Variants in CNTNAP5 observed in about 807,000 individuals in gnomAD.
CNTNAP5 encodes the protein contactin associated protein family member 5.
Under a neutral mutation model 150.2 loss-of-function variants are expected in CNTNAP5, and 72 were observed. The observed-to-expected ratio is 0.48, with a 90% CI of 0.40 to 0.58. The LOEUF is 0.58. Ranked by LOEUF, CNTNAP5 falls within the 20% of genes least tolerant of loss-of-function variation. CNTNAP5 has a pLI of 0.00. For missense variants in CNTNAP5, 1,636 were observed against 1,626.2 expected, an observed-to-expected ratio of 1.01 and a Z score of -0.10; for synonymous variants, 672 against 619.8, an observed-to-expected ratio of 1.08 and a Z score of -1.25.
In CNTNAP5 at chr2:124,687,362, G is replaced by A. The variant is rs77606317; in HGVS notation, c.2077+39404G>A. On this transcript the variant is annotated intron_variant, in intron 13 of 23. Transcript: ENST00000682447. ...ACCCAATTTATCTAGATGACTGTGG[G>A]TGGTGTTAACAGCTAGGCCTTCCTG... is the stretch of plus-strand genomic sequence containing the variant. 3.6e-3 allele frequency among the ~76,000 whole-genome samples: 554 copies of A among 152,038 alleles called. 4 individuals carry two copies. The highest frequency in any genetic ancestry group is 0.017 in the Middle Eastern group (5 of 294).
intron 22 of CNTNAP5, among the ~76,000 whole-genome samples, chr2:124,905,134 T>TC (rs1293552799): frequency 6.8e-6 from 1 of 147,850 alleles, no homozygotes; most frequent in Non-Finnish European, 1.5e-5. Flanking sequence ...TTGTTTTTTT[T>TC]TTTTTCCACA....
chr2:124,342,229 C>A (rs1168300799), intron 3 of CNTNAP5, among the ~76,000 whole-genome samples: 1 of 152,078 alleles, frequency 6.6e-6, no homozygotes, highest in Non-Finnish European at 1.5e-5. Flanking sequence ...GTTGCTGAAA[C>A]TTTGTATGAA....
chr2:124,227,462 C>T (rs1224219001), intron 2 of CNTNAP5, among the ~76,000 whole-genome samples: 1 of 151,914 alleles, frequency 6.6e-6, no homozygotes, highest in Non-Finnish European at 1.5e-5. Flanking sequence ...AACATGTGTT[C>T]GGAAAAAGAG....
At chr2:124,370,219 C>T (rs779984) in intron 3 of CNTNAP5, among the ~76,000 whole-genome samples, 21,028 of 152,164 alleles carry the variant, frequency 0.14, 1,594 homozygotes, top group African/African-American at 0.16. Flanking sequence ...CGTACGTGAA[C>T]ACTGTTTTGC....
At chr2:124,053,048 C>T (rs1171255502) in intron 1 of CNTNAP5, among the ~76,000 whole-genome samples, 1 of 149,908 alleles carries the variant, frequency 6.7e-6, no homozygotes, top group African/African-American at 2.5e-5. Context: ...CTCTGCGTAC[C>T]TTGATCACTG....
chr2:124,894,710 C>T (rs977296218), intron 21 of CNTNAP5, among the ~76,000 whole-genome samples: 3 of 151,092 alleles, frequency 2.0e-5, no homozygotes, highest in Non-Finnish European at 1.5e-5. Flanking sequence ...CACACCACCA[C>T]ACCTGCCTAA....
chr2:124,359,123 T>G (rs910042623), intron 3 of CNTNAP5, among the ~76,000 whole-genome samples: 2 of 152,178 alleles, frequency 1.3e-5, no homozygotes, highest in Non-Finnish European at 2.9e-5. Context: ...TGATGGTAGT[T>G]TGCATTTCTG....
intron 3 of CNTNAP5, among the ~76,000 whole-genome samples, chr2:124,306,719 CTTTTTTTTT>C (rs762901729): frequency 7.8e-5 from 5 of 64,336 alleles, no homozygotes; most frequent in East Asian, 5.6e-4. Flanking sequence ...CTCTCTCTTT[CTTTTTTTTT>C]TTTTTTTTTT....
At chr2:124,384,032 AT>A (rs1320611459) in intron 3 of CNTNAP5, among the ~76,000 whole-genome samples, 1 of 152,122 alleles carries the variant, frequency 6.6e-6, no homozygotes. Flanking sequence ...TTATTGCCCC[AT>A]TAATCCGTGG....
At chr2:124,057,448 ATTTTTTTT>A (rs556571236) in intron 1 of CNTNAP5, among the ~76,000 whole-genome samples, 2 of 62,826 alleles carry the variant, frequency 3.2e-5, no homozygotes, top group African/African-American at 7.8e-5. Context: ...CGGCCAGCTA[ATTTTTTTT>A]TTTTTTTTTT....
chr2:124,035,005 TCCCCTC>T (rs1681172248), intron 1 of CNTNAP5, among the ~76,000 whole-genome samples: 4 of 46,336 alleles, frequency 8.6e-5, no homozygotes, highest in African/African-American at 3.0e-4. Context: ...TCCCCTCCCC[TCCCCTC>T]CCCTCCCTCC....
At chr2:124,149,795 C>T (rs1434885612) in intron 1 of CNTNAP5, among the ~76,000 whole-genome samples, 1 of 152,172 alleles carries the variant, frequency 6.6e-6, no homozygotes, top group Non-Finnish European at 1.5e-5. Flanking sequence ...CACTGAACAG[C>T]TCGCAGCTGG....
rs1057339916 is a variant in CNTNAP5 at position 124,588,192 on chromosome 2, C to A, written c.1757-21609C>A. On this transcript the variant is annotated intron_variant, in intron 11 of 23. Transcript: ENST00000682447. ...TCCTTCCTTCCTTCTTTCTTTCTTT[C>A]TTTCTTTCTTTCTTTCTTTCTTTCT... 1.1e-3 allele frequency among the ~76,000 whole-genome samples: 112 copies of A among 98,110 alleles called. 3 individuals are homozygous for A. The highest frequency in any genetic ancestry group is 6.9e-3 in the South Asian group (22 of 3,188). The allele number at this position is 98,110 out of a possible 152,430, so 64.4% of individuals were successfully genotyped here. A position where few individuals can be genotyped will look rare whatever the true frequency, so the allele number is the denominator to read the frequency against.
intron 21 of CNTNAP5, among the ~76,000 whole-genome samples, chr2:124,874,122 A>G (rs56714518): frequency 0.037 from 5,680 of 152,122 alleles, 347 homozygotes; most frequent in African/African-American, 0.13. Context: ...TTAAAACTTC[A>G]CTGTTGGTTC....
intron 21 of CNTNAP5, among the ~76,000 whole-genome samples, chr2:124,897,936 A>AGTGTGTGTGTGTGT (rs56154943): frequency 7.0e-6 from 1 of 142,004 alleles, no homozygotes; most frequent in East Asian, 2.1e-4. Context: ...GCAAATGCCA[A>AGTGTGTGTGTGTGT]GTGTGTGTGT....
chr2:124,660,943 CAAAAA>C (rs34511096), intron 13 of CNTNAP5, among the ~76,000 whole-genome samples: 4 of 104,164 alleles, frequency 3.8e-5, no homozygotes, highest in Non-Finnish European at 7.5e-5. Flanking sequence ...GACTGGGTCT[CAAAAA>C]AAAAAAAAAA....
intron 5 of CNTNAP5, among the ~76,000 whole-genome samples, chr2:124,439,437 G>A (rs1236319712): frequency 1.3e-5 from 2 of 152,142 alleles, no homozygotes; most frequent in Non-Finnish European, 2.9e-5. Context: ...AAATAACTAT[G>A]CATCATCAAA....
chr2:124,216,539 C>G (rs563929266), intron 1 of CNTNAP5, among the ~76,000 whole-genome samples: 1 of 152,062 alleles, frequency 6.6e-6, no homozygotes, highest in Non-Finnish European at 1.5e-5. Flanking sequence ...TTCCTCCCAC[C>G]TCCTCCCACC....
At chr2:124,620,635 C>A (rs1677591855) in intron 12 of CNTNAP5, among the ~76,000 whole-genome samples, 1 of 151,818 alleles carries the variant, frequency 6.6e-6, no homozygotes, top group Non-Finnish European at 1.5e-5. Flanking sequence ...AATCATCTAA[C>A]ATTTCTAGAT....
Sources: gnomAD v4.1 joint callset for allele counts (sites outside exome capture counted in the v4.1 genomes callset) on GRCh38, gnomAD v4.1.1 for gene constraint, MANE v1.5 for transcripts, NCBI Gene and HGNC (gene_info 2026-07-23, HGNC 2026-07-21) for gene names.